Variants in PTK2 observed in about 807,000 individuals in gnomAD.
The protein encoded by PTK2 is focal adhesion kinase 1.
In PTK2, 45 loss-of-function variants were observed where a neutral mutation model predicts 150.1. The observed-to-expected ratio is 0.30, with a 90% CI of 0.24 to 0.38. PTK2 has a LOEUF of 0.38. Ranked by LOEUF, PTK2 falls within the 10% of genes least tolerant of loss-of-function variation. The pLI is 1.00. For missense variants in PTK2, 919 were observed against 1,307.3 expected, an observed-to-expected ratio of 0.70 and a Z score of 4.58; for synonymous variants, 432 against 449.2, an observed-to-expected ratio of 0.96 and a Z score of 0.48.
chr8:140,952,590 A>G (rs1441984103), intron 1 of PTK2, among the ~76,000 whole-genome samples: 1 of 152,168 alleles, frequency 6.6e-6, no homozygotes, highest in East Asian at 1.9e-4. Context: ...CTAGGCCCAT[A>G]CTCCAAAAAC....
chr8:140,866,146 C>T (rs531890969), intron 4 of PTK2, among the ~76,000 whole-genome samples: 8 of 152,262 alleles, frequency 5.3e-5, no homozygotes, highest in Admixed American at 1.3e-4. Flanking sequence ...TATAATTATT[C>T]GCATTCTGCA....
At chr8:140,752,087 T>C in intron 17 of PTK2, 145 bp downstream of exon 20, 1 of 738,156 alleles carries the variant, frequency 1.4e-6, no homozygotes, top group Non-Finnish European at 2.3e-6. Context: ...CTTGTACAAA[T>C]TTAGACATTA....
At chr8:140,886,090 G>A (rs1319068587) in intron 3 of PTK2, among the ~76,000 whole-genome samples, 4 of 152,160 alleles carry the variant, frequency 2.6e-5, no homozygotes, top group African/African-American at 4.8e-5. Flanking sequence ...GTAGGTTCTG[G>A]ATATATTTTT....
intron 7 of PTK2, among the ~76,000 whole-genome samples, chr8:140,839,265 G>A (rs190057095): frequency 2.5e-3 from 388 of 152,192 alleles, no homozygotes; most frequent in Non-Finnish European, 4.0e-3. Context: ...TGACGAAGGC[G>A]GAAGTGGCAT....
chr8:140,989,397 A>C (rs779375157), intron 1 of PTK2, among the ~76,000 whole-genome samples: 11 of 151,974 alleles, frequency 7.2e-5, no homozygotes, highest in East Asian at 3.9e-4. Flanking sequence ...CTATCTCAAA[A>C]AAACAAACAA....
intron 17 of PTK2, among the ~76,000 whole-genome samples, chr8:140,750,944 A>C (rs2154517269): frequency 6.6e-6 from 1 of 152,178 alleles, no homozygotes; most frequent in South Asian, 2.1e-4. Context: ...AAAACCAACC[A>C]ACCAAACAAA....
intron 14 of PTK2, among the ~76,000 whole-genome samples, chr8:140,782,615 G>A (rs578037614): frequency 2.0e-5 from 3 of 151,814 alleles, no homozygotes; most frequent in African/African-American, 7.3e-5. Flanking sequence ...TTATATAATA[G>A]GTGACAATGC....
chr8:140,815,082 CT>C (rs888537569), intron 10 of PTK2, among the ~76,000 whole-genome samples: 1 of 152,054 alleles, frequency 6.6e-6, no homozygotes, highest in African/African-American at 2.4e-5. Flanking sequence ...CCAAATTGTT[CT>C]TTTATAAAGA....
At chr8:140,974,248 T>C (rs1248175847) in intron 1 of PTK2, among the ~76,000 whole-genome samples, 4 of 152,186 alleles carry the variant, frequency 2.6e-5, no homozygotes, top group Non-Finnish European at 2.9e-5. Flanking sequence ...CAGCACGATT[T>C]AGGGATTGTC....
intron 26 of PTK2, among the ~76,000 whole-genome samples, chr8:140,693,000 T>C (rs976863893): frequency 6.6e-6 from 1 of 152,176 alleles, no homozygotes; most frequent in East Asian, 1.9e-4. Context: ...GGCTTTCTCA[T>C]TTAAAATTAA....
chr8:140,869,728 T>A (rs1480599627), intron 4 of PTK2, among the ~76,000 whole-genome samples: 1 of 152,074 alleles, frequency 6.6e-6, no homozygotes, highest in East Asian at 1.9e-4. Context: ...ACAATAAATA[T>A]GTTGCTGATA....
intron 1 of PTK2, among the ~76,000 whole-genome samples, chr8:140,988,125 G>T (rs1310588877): frequency 6.6e-6 from 1 of 151,138 alleles, no homozygotes; most frequent in Non-Finnish European, 1.5e-5. Context: ...ATTCCCAAGA[G>T]ATATGAAAGT....
chr8:140,748,294 G>C (rs1430314801), intron 17 of PTK2, among the ~76,000 whole-genome samples: 2 of 152,096 alleles, frequency 1.3e-5, no homozygotes, highest in African/African-American at 4.8e-5. Context: ...AGGAGTTTGA[G>C]ACCAGCCTGG....
At position 140,995,381 on chromosome 8, in the gene PTK2, C is replaced by CAA. The variant is rs34527935; in HGVS notation, c.-122+5742_-122+5743dup. On this transcript the variant is annotated intron_variant, in intron 1 of 31. Coordinates refer to ENST00000522684, the Ensembl canonical transcript of PTK2. ...CTGGCGACAGAGCAAGACTCCGTCT[C>CAA]AAAAAAAAAAAAAAAAAAGAAAAGA... Among the ~76,000 whole-genome samples, 310 of 92,356 alleles carry CAA rather than the reference C, an allele frequency of 3.4e-3. 5 individuals carry two copies. The highest frequency in any genetic ancestry group is 0.012 in the African/African-American group (289 of 24,654). The allele number at this position is 92,356 out of a possible 152,430, so 60.6% of individuals were successfully genotyped here.
chr8:140,698,009 A>G (rs2100027884), intron 26 of PTK2, among the ~76,000 whole-genome samples: 1 of 151,500 alleles, frequency 6.6e-6, no homozygotes, highest in Non-Finnish European at 1.5e-5. Context: ...TTTTGACTCC[A>G]TGTCATTACC....
intron 4 of PTK2, among the ~76,000 whole-genome samples, chr8:140,872,480 A>G (rs553848697): frequency 1.4e-4 from 22 of 152,322 alleles, no homozygotes; most frequent in African/African-American, 5.1e-4. Flanking sequence ...AACAAATACT[A>G]CCTACTTAAC....
chr8:140,703,965 G>C (rs895095921), intron 24 of PTK2, among the ~76,000 whole-genome samples: 1 of 152,076 alleles, frequency 6.6e-6, no homozygotes, highest in African/African-American at 2.4e-5. Flanking sequence ...CATTTATTAG[G>C]TCTCTAGGCA....
intron 31 of PTK2, 74 bp downstream of exon 35, chr8:140,664,843 C>CTG: frequency 6.9e-7 from 1 of 1,455,018 alleles, no homozygotes; most frequent in Non-Finnish European, 9.6e-7. Context: ...CGGCCTTCAG[C>CTG]ACCACAGGCA....
chr8:140,881,715 C>G (rs2100149195), intron 3 of PTK2, among the ~76,000 whole-genome samples: 1 of 152,220 alleles, frequency 6.6e-6, no homozygotes, highest in Admixed American at 6.5e-5. Flanking sequence ...AAAAGCCCAG[C>G]TTCTCCAGTT....
Sources: allele counts gnomAD v4.1 joint callset (sites outside exome capture counted in the v4.1 genomes callset), GRCh38; gene constraint gnomAD v4.1.1; transcripts MANE v1.5; gene names NCBI Gene and HGNC (gene_info 2026-07-23, HGNC 2026-07-21).